The following AFF3 variants were observed in gnomAD, a reference collection of about 807,000 sequenced individuals.
AFF3 encodes AF4/FMR2 family member 3.
A neutral mutation model predicts 129.7 loss-of-function variants in AFF3; 32 were observed. That is an observed-to-expected ratio of 0.25 (90% CI 0.19 to 0.33). AFF3 has a LOEUF of 0.33. AFF3 is among the 10% of genes least tolerant of loss of function. The pLI is 1.00. For synonymous variants in AFF3, 644 were observed against 635.4 expected, an observed-to-expected ratio of 1.01 and a Z score of -0.20; for missense variants, 1,373 against 1,592.0, an observed-to-expected ratio of 0.86 and a Z score of 2.34.
At chr2:99,596,873 C>T (rs1679339597) in intron 14 of AFF3, among the ~76,000 whole-genome samples, 1 of 152,186 alleles carries the variant, frequency 6.6e-6, no homozygotes, top group African/African-American at 2.4e-5. Context: ...CCACTTTCAA[C>T]ACATCACTAA....
In AFF3 at chr2:100,058,562, A is replaced by C. The variant is rs527777959; in HGVS notation, c.53+45840T>G. Among the ~76,000 whole-genome samples the C allele has an allele frequency of 2.0e-5, 3 of 152,316 alleles. No homozygotes were observed. The East Asian group carries it at 5.8e-4, about 29-fold the overall frequency. ...CAGCTCATTAGGGACTCAGTATCCG[A>C]AGTCTTTCTTTTTTTTTGGATGGCT... On this transcript the variant is annotated intron_variant, in intron 4 of 24. Coordinates refer to ENST00000672756, the MANE Select transcript of AFF3 (RefSeq NM_001386135.1).
At chr2:99,687,901 G>T (rs1167210074) in intron 11 of AFF3, among the ~76,000 whole-genome samples, 1 of 152,118 alleles carries the variant, frequency 6.6e-6, no homozygotes, top group African/African-American at 2.4e-5. Flanking sequence ...GGAGTGCAGC[G>T]GCGTGATCTC....
intron 1 of AFF3, among the ~76,000 whole-genome samples, chr2:100,134,006 C>T (rs1692536176): frequency 6.6e-6 from 1 of 152,070 alleles, no homozygotes; most frequent in South Asian, 2.1e-4. Context: ...AAATATATAT[C>T]AGGATTTTAC....
chr2:100,045,625 C>T (rs1434694957), intron 4 of AFF3, among the ~76,000 whole-genome samples: 12 of 150,028 alleles, frequency 8.0e-5, no homozygotes, highest in Admixed American at 4.6e-4. Flanking sequence ...GCCTCCCTTT[C>T]CCCTCCCTCC....
chr2:99,650,825 T>G (rs1685173219), intron 12 of AFF3, among the ~76,000 whole-genome samples: 2 of 150,664 alleles, frequency 1.3e-5, no homozygotes, highest in Admixed American at 1.3e-4. Flanking sequence ...TGTGTGTGTG[T>G]GTGTATGCTG....
chr2:99,659,165 G>A (rs935833547), intron 12 of AFF3, among the ~76,000 whole-genome samples: 3 of 152,184 alleles, frequency 2.0e-5, no homozygotes, highest in African/African-American at 4.8e-5. Flanking sequence ...CTGGCAGAGC[G>A]GGCAAACCTA....
At chr2:100,038,704 A>G (rs1010118692) in intron 4 of AFF3, among the ~76,000 whole-genome samples, 5 of 151,448 alleles carry the variant, frequency 3.3e-5, no homozygotes, top group Admixed American at 6.6e-5. Flanking sequence ...ACTATGCAGC[A>G]TATTTATTTT....
intron 7 of AFF3, among the ~76,000 whole-genome samples, chr2:99,932,897 T>C (rs1414602288): frequency 6.6e-6 from 1 of 152,218 alleles, no homozygotes; most frequent in African/African-American, 2.4e-5. Flanking sequence ...TAGATCTTCT[T>C]GTTCTATTCC....
At chr2:99,588,012 A>G (rs1453510949) in intron 15 of AFF3, among the ~76,000 whole-genome samples, 4 of 151,696 alleles carry the variant, frequency 2.6e-5, no homozygotes, top group African/African-American at 4.8e-5. Flanking sequence ...CCGTCTCAAA[A>G]AAAAAAAAAA....
At chr2:99,570,280 T>C (rs536647389) in intron 18 of AFF3, among the ~76,000 whole-genome samples, 1 of 152,208 alleles carries the variant, frequency 6.6e-6, no homozygotes, top group Non-Finnish European at 1.5e-5. Context: ...TTGACACATA[T>C]TGTAAGAATG....
At chr2:99,718,791 G>T (rs1232646961) in intron 11 of AFF3, among the ~76,000 whole-genome samples, 1 of 151,158 alleles carries the variant, frequency 6.6e-6, no homozygotes, top group Non-Finnish European at 1.5e-5. Flanking sequence ...CACTCTGTTG[G>T]CCAGGCTGGA....
intron 4 of AFF3, among the ~76,000 whole-genome samples, chr2:100,046,259 G>A (rs1279365936): frequency 6.6e-6 from 1 of 152,130 alleles, no homozygotes; most frequent in Non-Finnish European, 1.5e-5. Context: ...CACACAAACA[G>A]AATGAGGCAC....
intron 13 of AFF3, among the ~76,000 whole-genome samples, chr2:99,612,045 A>C (rs1183608945): frequency 6.6e-6 from 1 of 152,174 alleles, no homozygotes; most frequent in East Asian, 1.9e-4. Flanking sequence ...AACCTGGGGA[A>C]GTCACCACCA....
intron 7 of AFF3, among the ~76,000 whole-genome samples, chr2:99,949,466 C>T (rs1323316704): frequency 6.6e-6 from 1 of 151,806 alleles, no homozygotes; most frequent in Non-Finnish European, 1.5e-5. Flanking sequence ...TACCTTATTT[C>T]TATTATTATT....
rs536209770 is a variant in AFF3 at position 100,061,358 on chromosome 2, C to T, written c.53+43044G>A. ...AAACAACATGCCAAGTGACAGTGTA[C>T]GGCCCTTCCCTATTGTTGCTGACTC... On this transcript the variant is annotated intron_variant, in intron 4 of 24. Transcript: ENST00000672756. Among the ~76,000 whole-genome samples the T allele has an allele frequency of 1.2e-4, 19 of 152,184 alleles. 1 individual carries two copies. The highest frequency in any genetic ancestry group is 8.3e-4 in the South Asian group (4 of 4,812).
intron 11 of AFF3, among the ~76,000 whole-genome samples, chr2:99,700,262 A>G (rs1200237951): frequency 6.6e-6 from 1 of 152,128 alleles, no homozygotes; most frequent in African/African-American, 2.4e-5. Flanking sequence ...CTGGGATTAT[A>G]GGCGTGTGCC....
chr2:99,846,724 T>C (rs1400388380), intron 7 of AFF3, among the ~76,000 whole-genome samples: 1 of 152,252 alleles, frequency 6.6e-6, no homozygotes, highest in Non-Finnish European at 1.5e-5. Flanking sequence ...ATGGCAAAAG[T>C]GCTGCTGCGT....
intron 4 of AFF3, among the ~76,000 whole-genome samples, chr2:100,029,685 T>G (rs937988723): frequency 3.9e-5 from 6 of 152,176 alleles, no homozygotes; most frequent in African/African-American, 1.4e-4. Context: ...ATTTGTTGTT[T>G]AATAGATATA....
chr2:99,755,131 T>A (rs1022487599), intron 8 of AFF3, among the ~76,000 whole-genome samples: 1 of 152,146 alleles, frequency 6.6e-6, no homozygotes, highest in Non-Finnish European at 1.5e-5. Flanking sequence ...CCCTTCTCCT[T>A]TGAAGCTCTT....
Sources: gnomAD v4.1 joint callset for allele counts (sites outside exome capture counted in the v4.1 genomes callset) on GRCh38, gnomAD v4.1.1 for gene constraint, MANE v1.5 for transcripts, NCBI Gene and HGNC (gene_info 2026-07-23, HGNC 2026-07-21) for gene names.